SRRM2: variants seen among roughly 807,000 people sequenced by gnomAD.
SRRM2 encodes the protein serine/arginine repetitive matrix protein 2.
SRRM2 carries 30 observed loss-of-function variants against 213.8 expected under a neutral mutation model. The observed-to-expected ratio is 0.14, with a 90% confidence interval of 0.10 to 0.19. The LOEUF is 0.19. Ranked by LOEUF, SRRM2 falls within the 10% of genes least tolerant of loss-of-function variation. The pLI is 1.00. For synonymous variants in SRRM2, 2,025 were observed against 1,377.7 expected (o/e 1.47, Z -10.40); for missense variants, 4,904 against 3,647.0 (o/e 1.34, Z -8.88).
chr16:2,755,174 T>TA (rs1289120724), intron 1 of SRRM2, among the ~76,000 whole-genome samples: 8 of 152,180 alleles, frequency 5.3e-5, no homozygotes. Flanking sequence ...GAGAAAGGAA[T>TA]AGAGTATGTG....
In SRRM2 at chr16:2,762,530, C is replaced by T. The variant is rs545913127; in HGVS notation, c.2002C>T (p.Arg668Cys). Residue 668 changes from arginine to cysteine, a missense_variant, in exon 11 of 15, where the codon CGC becomes TGC. By Grantham distance (180) the Arg-to-Cys change is radical. Coordinates refer to ENST00000301740, the MANE Select transcript of SRRM2 (RefSeq NM_016333.4). ...SRSRTPARRG[R>C]SRSRTPARRS... ...CTCCAGAACCCCAGCCAGACGTGGC[C>T]GCTCACGCTCTAGAACCCCAGCTAG... is the stretch of plus-strand genomic sequence containing the variant. The T allele has an allele frequency of 2.0e-5, 33 of 1,613,652 alleles. No homozygotes were observed. The highest frequency in any genetic ancestry group is 3.3e-4 in the Middle Eastern group (2 of 6,062).
In SRRM2 at chr16:2,765,657, C is replaced by T. The variant is rs768070363; in HGVS notation, c.5129C>T (p.Ala1710Val). The T allele has an allele frequency of 3.0e-5, 49 of 1,614,010 alleles. No homozygotes were observed. Among genetic ancestry groups the T allele is most frequent in the Non-Finnish European group, 3.8e-5 (45 of 1,180,014 alleles). ...AGACTGTCCCGTAGAAGCCGCTCTG[C>T]CTCATCCTCACCAGAAACTCGCTCT... ...KARLSRRSRS[A>V]SSSPETRSRT... Residue 1710 changes from alanine (A) to valine (V), a missense_variant, in exon 11 of 15, where the codon GCC (alanine) becomes GTC (valine). Coordinates refer to ENST00000301740, the MANE Select transcript of SRRM2 (RefSeq NM_016333.4).
chr16:2,765,387 C>G lies in SRRM2; in HGVS notation c.4859C>G (p.Ser1620Cys), dbSNP rs148157976. The G allele has an allele frequency of 6.2e-7, 1 of 1,614,160 alleles. No individual in the cohort carries two copies. Among genetic ancestry groups the G allele is most frequent in the Non-Finnish European group, 8.5e-7 (1 of 1,180,026 alleles). ...AAPRAQSGSDSSPEPKAPAPR... is the reference protein window; with the variant it reads ...AAPRAQSGSDCSPEPKAPAPR... ...CCCAGGGCACAGAGTGGTTCTGATT[C>G]CTCTCCTGAACCTAAAGCTCCAGCC... is the stretch of plus-strand genomic sequence containing the variant. The change falls in exon 11 of 15, where the codon TCC becomes TGC. Residue 1620 changes from serine (S) to cysteine (C), a missense_variant. Transcript: ENST00000301740.
chr16:2,763,293 T>C lies in SRRM2; in HGVS notation c.2765T>C (p.Ile922Thr). The change falls in exon 11 of 15, where the codon ATA becomes ACA. Residue 922 changes from isoleucine to threonine, a missense_variant. By Grantham distance (89) the Ile-to-Thr change is moderately conservative. Transcript: ENST00000301740. ...SSSPQPKVKA[I>T]ISPRQRSHSG... ...TCTCCACAACCCAAAGTGAAGGCAATAATATCACCAAGACAAAGAAGCCAT... is the reference window on the plus strand; with the variant it reads ...TCTCCACAACCCAAAGTGAAGGCAACAATATCACCAAGACAAAGAAGCCAT... 1 of 1,613,856 alleles carries C rather than the reference T, an allele frequency of 6.2e-7. No homozygotes were observed. The highest frequency in any genetic ancestry group is 8.5e-7 in the Non-Finnish European group (1 of 1,179,958).
In SRRM2 at chr16:2,761,734, C is replaced by G; in HGVS notation, c.1206C>G (p.Asp402Glu). 6.2e-7 allele frequency: 1 copy of G among 1,611,106 alleles called. No homozygotes were observed. Among genetic ancestry groups the G allele is most frequent in the Non-Finnish European group, 8.5e-7 (1 of 1,178,386 alleles). Residue 402 changes from aspartate (D) to glutamate (E), a missense_variant, in exon 11 of 15, where the codon GAC (aspartate) becomes GAG (glutamate). By Grantham distance (45) the Asp-to-Glu change is conservative. Transcript: ENST00000301740. ...NPPSEASPTRDRSPPKSPEKL... is the reference protein window; with the variant it reads ...NPPSEASPTRERSPPKSPEKL... ...CATCTGAGGCCTCTCCAACTCGGGACCGTTCACCACCTAAGTCTCCCGAGA... is the reference window on the plus strand; with the variant it reads ...CATCTGAGGCCTCTCCAACTCGGGAGCGTTCACCACCTAAGTCTCCCGAGA...
Position 2,764,468 on chromosome 16 carries a change from C to G in SRRM2, c.3940C>G (p.His1314Asp). ...SWGGPHFSPEHKELSNSPLRE... is the reference protein window; with the variant it reads ...SWGGPHFSPEDKELSNSPLRE... ...GGGTGGGCCACATTTTTCTCCAGAA[C>G]ATAAAGAACTGTCTAACTCCCCACT... The change falls in exon 11 of 15, where the codon CAT (histidine) becomes GAT (aspartate). Residue 1314 changes from histidine (H) to aspartate (D), a missense_variant. His to Asp is a moderately conservative substitution (Grantham distance 81). Coordinates refer to ENST00000301740, the MANE Select transcript of SRRM2 (RefSeq NM_016333.4). 6.2e-7 allele frequency: 1 copy of G among 1,613,320 alleles called. No homozygotes were observed. Among genetic ancestry groups the G allele is most frequent in the African/African-American group, 1.3e-5 (1 of 74,944 alleles).
rs1351704174 is a variant in SRRM2 at position 2,761,992 on chromosome 16, C to G, written c.1464C>G (p.Ala488=). Residue 488 remains alanine, a synonymous_variant, in exon 11 of 15, where the codon GCC becomes GCG. Transcript: ENST00000301740. ...SRRMGRSRSP[A]TAKRGRSRSR... ...GGATGGGGAGGTCCCGTAGCCCTGC[C>G]ACCGCTAAGAGAGGGCGATCTCGGT... 1.2e-6 allele frequency: 2 copies of G among 1,614,168 alleles called. No homozygotes were observed. The highest frequency in any genetic ancestry group is 3.3e-5 in the Admixed American group (2 of 60,024).
chr16:2,765,785 A>G lies in SRRM2; in HGVS notation c.5257A>G (p.Thr1753Ala), dbSNP rs777433250. ...RRRRSASSPR[T>A]KTTSRRGRSP... ...ACGGCGCTCAGCTTCATCTCCACGC[A>G]CTAAGACAACCTCAAGGAGAGGCCG... The change falls in exon 11 of 15, where the codon ACT becomes GCT. Residue 1753 changes from threonine (T) to alanine (A), a missense_variant. Coordinates refer to ENST00000301740, the MANE Select transcript of SRRM2 (RefSeq NM_016333.4). 1.4e-5 allele frequency: 23 copies of G among 1,614,080 alleles called. No homozygotes were observed. The highest frequency in any genetic ancestry group is 1.6e-4 in the Middle Eastern group (1 of 6,062).
In SRRM2 at chr16:2,762,910, C is replaced by T. The variant is rs2150776065; in HGVS notation, c.2382C>T (p.Pro794=). The change falls in exon 11 of 15, where the codon CCC becomes CCT. Residue 794 remains proline (P), a synonymous_variant. Transcript: ENST00000301740. ...PCPKQKSQTP[P]RRSRSGSSQP... is the part of the protein sequence containing the mutation. The stretch of plus-strand genomic sequence containing the variant: ...CTAAACAAAAGTCACAGACACCACC[C>T]AGGCGCAGTCGCTCTGGATCCTCCC... 3 of 1,612,784 alleles carry T rather than the reference C, an allele frequency of 1.9e-6. No homozygotes were observed. Among genetic ancestry groups the T allele is most frequent in the Non-Finnish European group, 2.5e-6 (3 of 1,178,758 alleles).
rs1211766327 is a variant in SRRM2 at position 2,765,175 on chromosome 16, C to A, written c.4647C>A (p.Pro1549=). The A allele has an allele frequency of 1.9e-6, 3 of 1,614,190 alleles. No homozygotes were observed. Among genetic ancestry groups the A allele is most frequent in the Non-Finnish European group, 2.5e-6 (3 of 1,180,030 alleles). ...CCTCTCAAGAACTTGATGTGAAACC[C>A]AGTGCATCCCCTCAGGAAAGAAGTG... ...SGSSQELDVK[P]SASPQERSES... The change falls in exon 11 of 15, where the codon CCC becomes CCA. Residue 1549 remains proline, a synonymous_variant. Coordinates refer to ENST00000301740, the MANE Select transcript of SRRM2 (RefSeq NM_016333.4).
At chr16:2,757,441 G>A (rs768523986) in intron 2 of SRRM2, 31 bp from the exon 3 acceptor site, 9 of 1,601,274 alleles carry the variant, frequency 5.6e-6, no homozygotes, top group African/African-American at 1.3e-5. Flanking sequence ...GTGTCCTGTC[G>A]AGCTTAACCC....
At position 2,770,427 on chromosome 16, in the gene SRRM2, C is replaced by G. The variant is rs779010860; in HGVS notation, c.8097C>G (p.Arg2699=). ...TCAGCTACTCGCCTGTGGAGCGTCGCCGTCCCTCGCCCCAGCCCTCACCAC... is the reference window on the plus strand; with the variant it reads ...TCAGCTACTCGCCTGTGGAGCGTCGGCGTCCCTCGCCCCAGCCCTCACCAC... ...RSLSYSPVER[R]RPSPQPSPRD... The change falls in exon 13 of 15, where the codon CGC becomes CGG. Residue 2699 remains arginine (R), a synonymous_variant. Transcript: ENST00000301740. 66 of 1,610,630 alleles carry G rather than the reference C, an allele frequency of 4.1e-5. No individual in the cohort carries two copies. The Middle Eastern group carries it at 6.6e-4, about 16-fold the overall frequency.
intron 9 of SRRM2, 60 bp downstream of exon 9, chr16:2,759,721 T>C: frequency 6.6e-7 from 1 of 1,505,892 alleles, no homozygotes; most frequent in Non-Finnish European, 9.2e-7. Context: ...TAATTTAATA[T>C]TTATTGAGCG....
intron 9 of SRRM2, 199 bp downstream of exon 9, chr16:2,759,860 G>GT (rs2068277320): frequency 8.7e-6 from 5 of 573,186 alleles, no homozygotes; most frequent in Non-Finnish European, 1.5e-5. Flanking sequence ...TTTTGTTTTT[G>GT]TTTATTTGTT....
chr16:2,760,053 T>G (rs1596270355), intron 9 of SRRM2: 1 of 566,518 alleles, frequency 1.8e-6, no homozygotes, highest in Non-Finnish European at 3.2e-6. Flanking sequence ...GGGTGGATGG[T>G]TTGGGGATGT....
At position 2,764,062 on chromosome 16, in the gene SRRM2, A is replaced by G. The variant is rs759648230; in HGVS notation, c.3534A>G (p.Ala1178=). 5 of 1,614,140 alleles carry G rather than the reference A, an allele frequency of 3.1e-6. No individual in the cohort carries two copies. Among genetic ancestry groups the G allele is most frequent in the Non-Finnish European group, 4.2e-6 (5 of 1,180,008 alleles). The change falls in exon 11 of 15, where the codon GCA becomes GCG. Residue 1178 remains alanine (A), a synonymous_variant. Transcript: ENST00000301740. ...TACCCCCTCAGGAGGATGCTACTGCATCACCTCCTAGACAGAAAGACAAAT... is the reference window on the plus strand; with the variant it reads ...TACCCCCTCAGGAGGATGCTACTGCGTCACCTCCTAGACAGAAAGACAAAT... ...MALPPQEDAT[A]SPPRQKDKFS... is the part of the protein sequence containing the mutation.
rs771937307 is a variant in SRRM2, at chr16:2,765,248, C to T, written c.4720C>T (p.Arg1574Trp). ...DSKAKTRTPL[R>W]QRSRSGSSPE... ...TAAAGCCAAGACAAGAACCCCACTT[C>T]GGCAGAGGAGTCGGTCTGGATCATC... Residue 1574 changes from arginine (R) to tryptophan (W), a missense_variant, in exon 11 of 15, where the codon CGG becomes TGG. Coordinates refer to ENST00000301740, the MANE Select transcript of SRRM2 (RefSeq NM_016333.4). 14 of 1,614,066 alleles carry T rather than the reference C, an allele frequency of 8.7e-6. No individual in the cohort carries two copies. Among genetic ancestry groups the T allele is most frequent in the South Asian group, 3.3e-5 (3 of 91,084 alleles).
At chr16:2,755,844 G>A (rs764176873) in intron 1 of SRRM2, among the ~76,000 whole-genome samples, 1 of 152,138 alleles carries the variant, frequency 6.6e-6, no homozygotes, top group Non-Finnish European at 1.5e-5. Flanking sequence ...GAGAGTCTTT[G>A]GACATGGACT....
Position 2,766,664 on chromosome 16 carries a change from TCAC to T in SRRM2, c.6140_6142del (p.Pro2047del). The stretch of plus-strand genomic sequence containing the variant: ...ACCACGCAAACGTTCTCGAAGTCGC[TCAC>T]CACTTGCTATCCGCCGCCGCTCCAG... On this transcript the variant is annotated inframe_deletion, in exon 11 of 15. Coordinates refer to ENST00000301740, the MANE Select transcript of SRRM2 (RefSeq NM_016333.4). The surrounding 1 kb of genome is among the most constrained non-coding windows in gnomAD (Gnocchi z 7.0). 6.2e-7 allele frequency: 1 copy of T among 1,611,066 alleles called. No homozygotes were observed. Among genetic ancestry groups the T allele is most frequent in the Non-Finnish European group, 8.5e-7 (1 of 1,179,138 alleles).
Sources: gnomAD v4.1 joint callset for allele counts (sites outside exome capture counted in the v4.1 genomes callset) on GRCh38, gnomAD v4.1.1 for gene constraint, Gnocchi (gnomAD v3.1) non-coding constraint, MANE v1.5 for transcripts, NCBI Gene and HGNC (gene_info 2026-07-23, HGNC 2026-07-21) for gene names.